SMC1B: variants seen among roughly 807,000 people sequenced by gnomAD.
SMC1B encodes the protein structural maintenance of chromosomes protein 1B.
SMC1B carries 60 observed loss-of-function variants against 157.9 expected under a neutral mutation model. The observed-to-expected ratio is 0.38, with a 90% confidence interval of 0.31 to 0.47. SMC1B has a LOEUF of 0.47. SMC1B is among the 20% of genes least tolerant of loss of function. SMC1B has a pLI of 0.99. For synonymous variants in SMC1B, 445 were observed against 483.0 expected (o/e 0.92, Z 1.03); for missense variants, 1,165 against 1,426.2 (o/e 0.82, Z 2.95).
At chr22:45,395,603 A>G (rs1355225551) in intron 7 of SMC1B, among the ~76,000 whole-genome samples, 1 of 152,202 alleles carries the variant, frequency 6.6e-6, no homozygotes. Flanking sequence ...CAGGCCTGTA[A>G]TCCCAGCACT....
chr22:45,352,343 A>G, intron 22 of SMC1B, 108 bp downstream of exon 22: 3 of 997,826 alleles, frequency 3.0e-6, no homozygotes, highest in Non-Finnish European at 2.8e-6. Flanking sequence ...ATAGTTTTGT[A>G]TCTCATTTGC....
intron 12 of SMC1B, among the ~76,000 whole-genome samples, chr22:45,379,958 C>T (rs1027747616): frequency 2.0e-5 from 3 of 151,852 alleles, no homozygotes; most frequent in African/African-American, 7.3e-5. Flanking sequence ...GACTTAAACT[C>T]CTTCCTGGCC....
chr22:45,378,120 AGTAAT>A (rs1232273826), intron 12 of SMC1B, among the ~76,000 whole-genome samples: 1 of 151,986 alleles, frequency 6.6e-6, no homozygotes, highest in Non-Finnish European at 1.5e-5. Context: ...TTTCTTCTTT[AGTAAT>A]GTAGACATTT....
chr22:45,389,025 A>G (rs573608994), intron 10 of SMC1B, among the ~76,000 whole-genome samples: 50 of 151,630 alleles, frequency 3.3e-4, no homozygotes, highest in African/African-American at 1.1e-3. Flanking sequence ...AAAGAAAAAA[A>G]AAAGAAAAAT....
At chr22:45,402,018 G>A (rs1438897614) in intron 5 of SMC1B, among the ~76,000 whole-genome samples, 2 of 152,070 alleles carry the variant, frequency 1.3e-5, no homozygotes, top group Non-Finnish European at 2.9e-5. Context: ...CGAGTAGGTG[G>A]GACTACAGGT....
At chr22:45,348,146 G>GACT (rs995498070) in intron 23 of SMC1B, among the ~76,000 whole-genome samples, 9 of 152,304 alleles carry the variant, frequency 5.9e-5, no homozygotes, top group Non-Finnish European at 1.0e-4. Context: ...CTTGAGTACT[G>GACT]ACTAAAATTC....
At chr22:45,388,113 A>G (rs2087010684) in intron 10 of SMC1B, among the ~76,000 whole-genome samples, 1 of 152,174 alleles carries the variant, frequency 6.6e-6, no homozygotes, top group South Asian at 2.1e-4. Flanking sequence ...CTTCTTAGTC[A>G]TGACCTTTAG....
chr22:45,395,625 A>T (rs1306258429), intron 7 of SMC1B, among the ~76,000 whole-genome samples: 1 of 152,202 alleles, frequency 6.6e-6, no homozygotes, highest in Non-Finnish European at 1.5e-5. Flanking sequence ...TGCAAGGCTG[A>T]GGAGGATGGA....
chr22:45,348,438 A>G (rs995509541), intron 23 of SMC1B, among the ~76,000 whole-genome samples: 2 of 152,212 alleles, frequency 1.3e-5, no homozygotes, highest in Admixed American at 6.5e-5. Flanking sequence ...AAATAAATAA[A>G]TAGATATAAA....
chr22:45,388,769 A>C (rs1383482929), intron 10 of SMC1B, among the ~76,000 whole-genome samples: 1 of 151,998 alleles, frequency 6.6e-6, no homozygotes, highest in Non-Finnish European at 1.5e-5. Flanking sequence ...CTGAGTCGGG[A>C]ATTTGAGACC....
At chr22:45,353,110 A>G (rs2086630679) in intron 21 of SMC1B, among the ~76,000 whole-genome samples, 1 of 152,060 alleles carries the variant, frequency 6.6e-6, no homozygotes, top group Non-Finnish European at 1.5e-5. Flanking sequence ...GTCTCTACAA[A>G]AAATACAAAA....
intron 23 of SMC1B, 24 bp from the exon 24 acceptor site, chr22:45,345,593 T>G: frequency 7.0e-7 from 1 of 1,436,062 alleles, no homozygotes; most frequent in Non-Finnish European, 9.8e-7. Context: ...AAACACACAT[T>G]TCACTAGGAA....
intron 9 of SMC1B, among the ~76,000 whole-genome samples, chr22:45,391,570 A>G (rs868358887): frequency 2.6e-5 from 4 of 152,288 alleles, no homozygotes; most frequent in African/African-American, 7.2e-5. Context: ...CTCTGTTCAG[A>G]TCTTTGATTT....
chr22:45,357,016 A>C (rs2086676898), intron 19 of SMC1B, among the ~76,000 whole-genome samples: 1 of 152,112 alleles, frequency 6.6e-6, no homozygotes, highest in Non-Finnish European at 1.5e-5. Context: ...TACAGGCGTG[A>C]GCCACCACGC....
intron 7 of SMC1B, among the ~76,000 whole-genome samples, chr22:45,395,583 C>T (rs2087113446): frequency 6.6e-6 from 1 of 152,124 alleles, no homozygotes; most frequent in African/African-American, 2.4e-5. Context: ...ATTGACTGGG[C>T]ACGGTGGCTC....
At chr22:45,376,741 A>C (rs771002023) in intron 12 of SMC1B, among the ~76,000 whole-genome samples, 36 of 151,672 alleles carry the variant, frequency 2.4e-4, no homozygotes, top group Middle Eastern at 6.8e-3. Context: ...ACACAAAACT[A>C]GTTAGACTGA....
chr22:45,358,692 A>C lies in SMC1B; in HGVS notation c.2961+5T>G. The C allele has an allele frequency of 6.4e-7, 1 of 1,564,402 alleles. No homozygotes were observed. Among genetic ancestry groups the C allele is most frequent in the African/African-American group, 1.4e-5 (1 of 73,552 alleles). On this transcript the variant is annotated splice_donor_5th_base_variant and intron_variant, in intron 19 of 24. Coordinates refer to ENST00000357450, the MANE Select transcript of SMC1B (RefSeq NM_148674.5). ...AGTGATAAACAACAGAAAGCTTTCC[A>C]TTACCTTCAAATCCTCTTTTAGAGA... is the stretch of plus-strand genomic sequence containing the variant.
At position 45,393,900 on chromosome 22, in the gene SMC1B, G is replaced by A. The variant is rs540657574; in HGVS notation, c.1338-59C>T. The A allele has an allele frequency of 5.8e-6, 7 of 1,212,952 alleles. No individual in the cohort carries two copies. The African/African-American group carries it at 9.0e-5, about 16-fold the overall frequency. The allele number at this position is 1,212,952 out of a possible 1,614,324, so 75.1% of individuals were successfully genotyped here. ...ATAAACCAAAATTTAGGAATTACCA[G>A]GTACAACATACTCCTGTCTGGCATT... On this transcript the variant is annotated intron_variant, in intron 8 of 24. Transcript: ENST00000357450.
intron 17 of SMC1B, 85 bp downstream of exon 17, chr22:45,361,754 G>A: frequency 1.5e-6 from 2 of 1,299,996 alleles, no homozygotes; most frequent in Non-Finnish European, 1.1e-6. Flanking sequence ...ATATTCAAAT[G>A]CAACTCATTT....
Sources: allele counts gnomAD v4.1 joint callset (sites outside exome capture counted in the v4.1 genomes callset), GRCh38; gene constraint gnomAD v4.1.1; transcripts MANE v1.5; gene names NCBI Gene and HGNC (gene_info 2026-07-23, HGNC 2026-07-21).